Variants in DST observed in about 807,000 individuals in gnomAD.
The protein encoded by DST is dystonin.
Under a neutral mutation model 875.2 loss-of-function variants are expected in DST, and 253 were observed. The ratio of observed to expected loss-of-function variants is 0.29; its 90% CI spans 0.26 to 0.32. The LOEUF is 0.32. Among genes scored for constraint, DST ranks in the 10% least tolerant of loss-of-function variants. The pLI, the probability that DST is intolerant of heterozygous loss-of-function variation, is 1.00. For missense variants in DST, 8,287 were observed against 9,111.6 expected (o/e 0.91, Z 3.68); for synonymous variants, 3,124 against 3,197.1 (o/e 0.98, Z 0.77).
chr6:56,615,827 A>G, intron 36 of DST: 1 of 1,614,108 alleles, frequency 6.2e-7, no homozygotes, highest in Non-Finnish European at 8.5e-7. Context: ...TTCCTTATTT[A>G]TAATATTTGC....
chr6:56,675,703 T>G (rs146732776), intron 9 of DST, among the ~76,000 whole-genome samples: 2,317 of 151,970 alleles, frequency 0.015, 58 homozygotes, highest in African/African-American at 0.053. Flanking sequence ...ATACAAAACA[T>G]TAGCTGGGCA....
intron 2 of DST, among the ~76,000 whole-genome samples, chr6:56,916,797 C>CAA (rs1801324668): frequency 1.4e-5 from 2 of 146,722 alleles, no homozygotes. Context: ...CACACACACA[C>CAA]ACACACACAC....
intron 44 of DST, among the ~76,000 whole-genome samples, chr6:56,601,234 T>C (rs1161906429): frequency 6.6e-6 from 1 of 152,072 alleles, no homozygotes; most frequent in Admixed American, 6.6e-5. Context: ...TTAAGTATTT[T>C]TGGGAGTCAC....
chr6:56,941,380 C>T (rs1344674489), intron 2 of DST, among the ~76,000 whole-genome samples: 1 of 152,058 alleles, frequency 6.6e-6, no homozygotes. Context: ...CCTATATAAT[C>T]TGTATTATTT....
rs761346398 is a variant in DST at position 56,529,686 on chromosome 6, T to C, written c.17357A>G (p.Glu5786Gly). ...GQSLKVLSSREDKDMVQSKLD... is the reference protein window; with the variant it reads ...GQSLKVLSSRGDKDMVQSKLD... ...TTTACTCTGCACCATATCTTTATCC[T>C]CCCTGGAGCTCAAAACCTTTAAGGA... is the stretch of plus-strand genomic sequence containing the variant. Residue 5786 changes from glutamate (E) to glycine (G), a missense_variant, in exon 66 of 104, where the codon GAG (glutamate) becomes GGG (glycine). Physicochemically the swap from Glu to Gly is moderately conservative, Grantham distance 98. Transcript: ENST00000680361. 1 of 1,613,618 alleles carries C rather than the reference T, an allele frequency of 6.2e-7. No individual in the cohort carries two copies. Among genetic ancestry groups the C allele is most frequent in the South Asian group, 1.1e-5 (1 of 91,024 alleles).
In DST at chr6:56,619,843, C is replaced by T. The variant is rs374733987; in HGVS notation, c.4929+4687G>A. ...GCAAACGAGCCTTTTCCTCAGATGA[C>T]GTTTTTTCAAGCTGGAGGGCATTAA... On this transcript the variant is annotated intron_variant, in intron 36 of 103. Coordinates refer to ENST00000680361, the MANE Select transcript of DST (RefSeq NM_001374736.1). The T allele has an allele frequency of 3.2e-5, 51 of 1,613,986 alleles. No homozygotes were observed. The highest frequency in any genetic ancestry group is 1.6e-4 in the Middle Eastern group (1 of 6,062).
chr6:56,584,477 C>T lies in DST; in HGVS notation c.12904-5540G>A, dbSNP rs1309192202. Among the ~76,000 whole-genome samples, 5 of 150,188 alleles carry T rather than the reference C, an allele frequency of 3.3e-5. 2 individuals carry two copies. Among genetic ancestry groups the T allele is most frequent in the African/African-American group, 1.3e-4 (5 of 39,494 alleles). On this transcript the variant is annotated intron_variant, in intron 49 of 103. Coordinates refer to ENST00000680361, the MANE Select transcript of DST (RefSeq NM_001374736.1). ...AGACTTTGCTGAAGTTGCCTATCAG[C>T]TTAAGGAGATTTGGGGCTGAGGCCA...
intron 3 of DST, among the ~76,000 whole-genome samples, chr6:56,854,798 T>C (rs1039928117): frequency 6.6e-6 from 1 of 152,198 alleles, no homozygotes; most frequent in African/African-American, 2.4e-5. Flanking sequence ...TCTGGGCTCA[T>C]AGGCACCCCT....
chr6:56,863,924 C>T (rs1037869822), intron 3 of DST: 4 of 152,208 alleles, frequency 2.6e-5, no homozygotes, highest in Non-Finnish European at 5.9e-5. Context: ...TAGTGAAAAT[C>T]TCTGGCTATT....
chr6:56,618,867 A>T (rs1266244441), intron 36 of DST: 1 of 1,614,002 alleles, frequency 6.2e-7, no homozygotes, highest in South Asian at 1.1e-5. Flanking sequence ...TTTAAGTGTA[A>T]TTCGTCTTGT....
At chr6:56,752,670 T>C (rs2099590998) in intron 4 of DST, among the ~76,000 whole-genome samples, 2 of 152,252 alleles carry the variant, frequency 1.3e-5, no homozygotes, top group Non-Finnish European at 2.9e-5. Flanking sequence ...CTTGTGATTA[T>C]GGAGAGGCAT....
chr6:56,723,325 G>A (rs2152915909), intron 5 of DST, among the ~76,000 whole-genome samples: 1 of 152,240 alleles, frequency 6.6e-6, no homozygotes, highest in East Asian at 1.9e-4. Context: ...AGCACTTTGG[G>A]AGGCTGAGGC....
At chr6:56,924,642 A>G (rs547762001) in intron 2 of DST, among the ~76,000 whole-genome samples, 3 of 152,276 alleles carry the variant, frequency 2.0e-5, no homozygotes, top group African/African-American at 7.2e-5. Flanking sequence ...AGGAAATTTT[A>G]CCAAGGCAAT....
chr6:56,504,278 G>A (rs189513315), intron 77 of DST, among the ~76,000 whole-genome samples, 180 bp from the exon 78 acceptor site: 268 of 152,172 alleles, frequency 1.8e-3, no homozygotes, highest in African/African-American at 5.4e-3. Flanking sequence ...CAAAATGGTT[G>A]TCCCAAATAT....
intron 4 of DST, among the ~76,000 whole-genome samples, chr6:56,786,802 G>A (rs2099706359): frequency 6.6e-6 from 1 of 152,040 alleles, no homozygotes; most frequent in Non-Finnish European, 1.5e-5. Context: ...GGATTACGTG[G>A]GAATCACCAC....
intron 3 of DST, among the ~76,000 whole-genome samples, chr6:56,887,931 G>A (rs1022330148): frequency 2.6e-5 from 4 of 151,404 alleles, no homozygotes; most frequent in Admixed American, 2.0e-4. Context: ...ATTTATTATA[G>A]CAAGCCTATA....
intron 49 of DST, among the ~76,000 whole-genome samples, chr6:56,585,972 A>T (rs2098138799): frequency 7.6e-6 from 1 of 132,234 alleles, no homozygotes; most frequent in African/African-American, 2.6e-5. Context: ...GTTTGTTATA[A>T]TTTCTGTTCT....
In DST at chr6:56,811,775, G is replaced by A. The variant is rs571396410; in HGVS notation, c.625+39622C>T. On this transcript the variant is annotated intron_variant, in intron 4 of 103. Coordinates refer to ENST00000680361, the MANE Select transcript of DST (RefSeq NM_001374736.1). ...ACTCACTTCTTTATTAATAGATAAA[G>A]TGATTAGAAATATAAGTTCCTTGAT... Among the ~76,000 whole-genome samples, 276 of 152,164 alleles carry A rather than the reference G, an allele frequency of 1.8e-3. 3 individuals carry two copies. Among genetic ancestry groups the A allele is most frequent in the South Asian group, 0.015 (70 of 4,812 alleles).
At chr6:56,869,779 G>A (rs1271979960) in intron 3 of DST, among the ~76,000 whole-genome samples, 2 of 152,068 alleles carry the variant, frequency 1.3e-5, no homozygotes, top group African/African-American at 4.8e-5. Context: ...CAACCTCCCA[G>A]GCTGAAACGA....
Sources: gnomAD v4.1 joint callset for allele counts (sites outside exome capture counted in the v4.1 genomes callset) on GRCh38, gnomAD v4.1.1 for gene constraint, MANE v1.5 for transcripts, NCBI Gene and HGNC (gene_info 2026-07-23, HGNC 2026-07-21) for gene names.